Variants in PCDHA1 observed in about 807,000 individuals in gnomAD.
PCDHA1 encodes the protein protocadherin alpha 1, also known as protocadherin alpha-1.
Under a neutral mutation model 61.3 loss-of-function variants are expected in PCDHA1, and 42 were observed. The ratio of observed to expected loss-of-function variants is 0.69; its 90% CI spans 0.54 to 0.89. PCDHA1 has a LOEUF of 0.89. Among genes scored for constraint, PCDHA1 ranks in the 40% least tolerant of loss-of-function variants. The pLI is 0.00. For missense variants in PCDHA1, 1,256 were observed against 1,235.3 expected, an observed-to-expected ratio of 1.02 and a Z score of -0.25; for synonymous variants, 610 against 553.8, an observed-to-expected ratio of 1.10 and a Z score of -1.43.
At chr5:140,791,839 T>C (rs1761678663) in intron 1 of PCDHA1, among the ~76,000 whole-genome samples, 1 of 152,212 alleles carries the variant, frequency 6.6e-6, no homozygotes, top group South Asian at 2.1e-4. Flanking sequence ...TGGGGTCTTC[T>C]AGTAGTTTTG....
At position 141,012,226 on chromosome 5, in the gene PCDHA1, A is replaced by G. The variant is rs1021307000; in HGVS notation, c.*2289A>G. Reference sequence around the variant, plus strand: ...TTTTACATTTGCGAAGTGCTTTCCAATCCATGTTAGTTACTAGTTATTACA... The same window carrying G: ...TTTTACATTTGCGAAGTGCTTTCCAGTCCATGTTAGTTACTAGTTATTACA... On this transcript the variant is annotated 3_prime_UTR_variant, in exon 4 of 4. Transcript: ENST00000504120. The G allele has an allele frequency of 2.6e-5, 4 of 153,758 alleles. No individual in the cohort carries two copies. Among genetic ancestry groups the G allele is most frequent in the African/African-American group, 9.7e-5 (4 of 41,442 alleles). 9.5% of individuals were successfully genotyped at this position (153,758 alleles called of 1,614,324 possible). A position where few individuals can be genotyped will look rare whatever the true frequency, so the allele number is the denominator to read the frequency against.
In PCDHA1 at chr5:140,869,699, C is replaced by A. The variant is rs10071369; in HGVS notation, c.2394+81015C>A. On this transcript the variant is annotated intron_variant, in intron 1 of 3. Transcript: ENST00000504120. ...AGACTGTCACTTATTTTAAAGAAGTCTCTGGATAGAGAGAAAACTCCGGAA... is the reference window on the plus strand; with the variant it reads ...AGACTGTCACTTATTTTAAAGAAGTATCTGGATAGAGAGAAAACTCCGGAA... 1,310 of 1,613,374 alleles carry A rather than the reference C, an allele frequency of 8.1e-4. 10 individuals carry two copies. In the African/African-American group the frequency reaches 0.014, roughly 18 times the overall value.
At chr5:140,801,131 G>A (rs992198799) in intron 1 of PCDHA1, 6 of 1,521,846 alleles carry the variant, frequency 3.9e-6, no homozygotes, top group Non-Finnish European at 5.3e-6. Context: ...ATGAAGATAA[G>A]GAACTCGAAT....
intron 1 of PCDHA1, chr5:140,824,781 C>T (rs140660450): frequency 8.6e-5 from 13 of 151,794 alleles, no homozygotes; most frequent in Admixed American, 5.2e-4. Flanking sequence ...TTTAACACCA[C>T]CCTTCCAATT....
At chr5:140,813,756 G>A (rs1381820714) in intron 1 of PCDHA1, 1 of 152,316 alleles carries the variant, frequency 6.6e-6, no homozygotes, top group African/African-American at 2.4e-5. Context: ...AGCACTTTGG[G>A]AGGCTGAGGA....
chr5:140,830,262 C>G lies in PCDHA1; in HGVS notation c.2394+41578C>G, dbSNP rs151257683. 6.1e-5 allele frequency: 99 copies of G among 1,613,546 alleles called. No individual in the cohort carries two copies. Among genetic ancestry groups the G allele is most frequent in the Non-Finnish European group, 7.2e-5 (85 of 1,179,698 alleles). ...CTGCTGTACACAGCGCTGCGGTGCT[C>G]GGCGCCACCCACCGAGGGCGCGTGC... On this transcript the variant is annotated intron_variant, in intron 1 of 3. Transcript: ENST00000504120.
At chr5:140,941,698 T>C (rs2093148440) in intron 1 of PCDHA1, among the ~76,000 whole-genome samples, 1 of 152,186 alleles carries the variant, frequency 6.6e-6, no homozygotes, top group African/African-American at 2.4e-5. Flanking sequence ...TCTTTGGGCT[T>C]AGCTTTCCTC....
intron 1 of PCDHA1, chr5:140,868,880 A>G (rs1384235072): frequency 1.4e-6 from 1 of 698,244 alleles, no homozygotes; most frequent in Non-Finnish European, 2.3e-6. Flanking sequence ...CAGTACTCAC[A>G]GTTTTAGGCG....
At position 140,841,125 on chromosome 5, in the gene PCDHA1, C is replaced by T. The variant is rs2150311446; in HGVS notation, c.2394+52441C>T. 38 of 651,618 alleles carry T rather than the reference C, an allele frequency of 5.8e-5. No individual in the cohort carries two copies. In the African/African-American group the frequency reaches 6.2e-4, roughly 11 times the overall value. 40.4% of individuals were successfully genotyped at this position (651,618 alleles called of 1,614,324 possible). A position where few individuals can be genotyped will look rare whatever the true frequency, so the allele number is the denominator to read the frequency against. ...GCGGAAGTAATTCATGTAATCATTACCTTTTGAAGCCACATGATGTCGCTG... is the reference window on the plus strand; with the variant it reads ...GCGGAAGTAATTCATGTAATCATTATCTTTTGAAGCCACATGATGTCGCTG... On this transcript the variant is annotated intron_variant, in intron 1 of 3. Transcript: ENST00000504120.
At chr5:140,884,706 C>T (rs1554181856) in intron 1 of PCDHA1, 3 of 1,489,002 alleles carry the variant, frequency 2.0e-6, no homozygotes, top group Non-Finnish European at 8.9e-7. Flanking sequence ...ACACTTTAGC[C>T]TTCCTTGCAG....
In PCDHA1 at chr5:140,839,587, A is replaced by C. The variant is rs192015697; in HGVS notation, c.2394+50903A>C. ...GTATTTTTTGTAGAGATGGGGTCTT[A>C]CCATGTTGCCCAGGCTGGTCTCAAA... On this transcript the variant is annotated intron_variant, in intron 1 of 3. Coordinates refer to ENST00000504120, the MANE Select transcript of PCDHA1 (RefSeq NM_018900.4). Among the ~76,000 whole-genome samples, 93 of 152,088 alleles carry C rather than the reference A, an allele frequency of 6.1e-4. 1 individual carries two copies. The highest frequency in any genetic ancestry group is 2.0e-3 in the African/African-American group (82 of 41,446).
At chr5:140,926,115 A>G (rs1554203115) in intron 1 of PCDHA1, among the ~76,000 whole-genome samples, 1 of 152,134 alleles carries the variant, frequency 6.6e-6, no homozygotes, top group East Asian at 1.9e-4. Context: ...AGGGTGCAGG[A>G]CAGACTTCAA....
intron 1 of PCDHA1, among the ~76,000 whole-genome samples, chr5:140,915,582 G>A (rs991142864): frequency 2.6e-5 from 4 of 152,056 alleles, no homozygotes; most frequent in South Asian, 4.1e-4. Flanking sequence ...CCAGGCAAAA[G>A]CACTTGTTCT....
At chr5:140,801,235 G>A in intron 1 of PCDHA1, 1 of 1,612,956 alleles carries the variant, frequency 6.2e-7, no homozygotes, top group Non-Finnish European at 8.5e-7. Flanking sequence ...GGAGCCCAGT[G>A]CCTGCTGCTT....
At chr5:140,831,682 G>T (rs2150196752) in intron 1 of PCDHA1, among the ~76,000 whole-genome samples, 1 of 152,150 alleles carries the variant, frequency 6.6e-6, no homozygotes, top group African/African-American at 2.4e-5. Flanking sequence ...TTCTTTGAAT[G>T]AAAAGCAGCA....
intron 1 of PCDHA1, chr5:140,966,770 G>C: frequency 2.0e-6 from 3 of 1,500,088 alleles, no homozygotes; most frequent in Non-Finnish European, 2.7e-6. Flanking sequence ...AGTGGCTATG[G>C]AGCAGGCGGG....
rs781919488 is a variant in PCDHA1 at position 141,010,129 on chromosome 5, G to T, written c.*192G>T. 1 of 1,601,910 alleles carries T rather than the reference G, an allele frequency of 6.2e-7. No individual in the cohort carries two copies. Among genetic ancestry groups the T allele is most frequent in the East Asian group, 2.2e-5 (1 of 44,578 alleles). ...TGTCGTAAAAGCTTTACTAAGTCTGGTGTTAACTCTTTCTCTCCACTCTGG... is the reference window on the plus strand; with the variant it reads ...TGTCGTAAAAGCTTTACTAAGTCTGTTGTTAACTCTTTCTCTCCACTCTGG... On this transcript the variant is annotated 3_prime_UTR_variant, in exon 4 of 4. Transcript: ENST00000504120.
In PCDHA1 at chr5:140,876,715, C is replaced by G. The variant is rs570565884; in HGVS notation, c.2394+88031C>G. 3.1e-5 allele frequency: 50 copies of G among 1,614,234 alleles called. No homozygotes were observed. The highest frequency in any genetic ancestry group is 3.3e-4 in the Middle Eastern group (2 of 6,062). On this transcript the variant is annotated intron_variant, in intron 1 of 3. Coordinates refer to ENST00000504120, the MANE Select transcript of PCDHA1 (RefSeq NM_018900.4). ...GTTGGTGCTGGACAGCGCCCTGGAC[C>G]GCGAGAGCGTGTCGGCCTATGAGCT...
At chr5:140,809,122 C>G in intron 1 of PCDHA1, 1 of 1,613,994 alleles carries the variant, frequency 6.2e-7, no homozygotes, top group South Asian at 1.1e-5. Flanking sequence ...CTCCGCGCCA[C>G]CGCCTACTGG....
Sources: gnomAD v4.1 joint callset for allele counts (sites outside exome capture counted in the v4.1 genomes callset) on GRCh38, gnomAD v4.1.1 for gene constraint, MANE v1.5 for transcripts, NCBI Gene and HGNC (gene_info 2026-07-23, HGNC 2026-07-21) for gene names.